TMEM272: variants seen among roughly 807,000 people sequenced by gnomAD.
TMEM272 encodes long intergenic non-protein coding RNA 282.
In TMEM272, 8 loss-of-function variants were observed where a neutral mutation model predicts 3.7. The observed-to-expected ratio is 2.17, with a 90% CI of 1.27 to 3.91. TMEM272 has a LOEUF of 3.91. TMEM272 is among the 30% of genes most tolerant of loss of function. The pLI, the probability that TMEM272 is intolerant of heterozygous loss-of-function variation, is 0.00. For missense variants in TMEM272, 166 were observed against 91.5 expected, an observed-to-expected ratio of 1.81 and a Z score of -3.32; for synonymous variants, 63 against 39.8, an observed-to-expected ratio of 1.58 and a Z score of -2.20.
the TMEM272 span, chr13:51,865,364 G>C: frequency 6.4e-7 from 1 of 1,567,050 alleles, no homozygotes; most frequent in Non-Finnish European, 8.6e-7. Context: ...CTGGCCAAGG[G>C]TCCTGTCATC....
At chr13:51,905,342 G>A in the TMEM272 span, among the ~76,000 whole-genome samples, 1 of 152,138 alleles carries the variant, frequency 6.6e-6, no homozygotes, top group Non-Finnish European at 1.5e-5. Flanking sequence ...TCACCACCTC[G>A]GACACGGCAG....
At chr13:51,901,631 C>T in the TMEM272 span, among the ~76,000 whole-genome samples, 1 of 152,142 alleles carries the variant, frequency 6.6e-6, no homozygotes, top group Non-Finnish European at 1.5e-5. Flanking sequence ...TCTCTATTTT[C>T]CTTTCTGCCC....
At chr13:51,904,373 C>T in the TMEM272 span, among the ~76,000 whole-genome samples, 1 of 152,044 alleles carries the variant, frequency 6.6e-6, no homozygotes, top group African/African-American at 2.4e-5. Context: ...ATATGCAATT[C>T]TTATGATGAC....
chr13:51,926,125 G>A, the TMEM272 span, among the ~76,000 whole-genome samples: 1 of 151,478 alleles, frequency 6.6e-6, no homozygotes, highest in Non-Finnish European at 1.5e-5. Context: ...TGTGGTGTAT[G>A]TGTCTATGTG....
At chr13:51,833,332 T>C (rs1224496699) in intron 2 of TMEM272, among the ~76,000 whole-genome samples, 1 of 152,138 alleles carries the variant, frequency 6.6e-6, no homozygotes, top group Non-Finnish European at 1.5e-5. Flanking sequence ...AAGAGAGTTG[T>C]AGGGTTTGCA....
At chr13:51,921,921 T>C in the TMEM272 span, among the ~76,000 whole-genome samples, 1 of 152,078 alleles carries the variant, frequency 6.6e-6, no homozygotes, top group African/African-American at 2.4e-5. Flanking sequence ...CGTGTGTGTG[T>C]GTATGTGTGT....
At chr13:51,916,058 G>C in the TMEM272 span, among the ~76,000 whole-genome samples, 1 of 152,124 alleles carries the variant, frequency 6.6e-6, no homozygotes, top group African/African-American at 2.4e-5. Context: ...GGGTGACAGA[G>C]GGAGACCTCT....
the TMEM272 span, chr13:51,909,393 T>C: frequency 2.3e-6 from 2 of 870,808 alleles, no homozygotes; most frequent in Admixed American, 1.8e-5. Flanking sequence ...TTTAGAAAGT[T>C]TCTCTTTCTC....
chr13:51,933,208 A>G, the TMEM272 span: 1 of 152,234 alleles, frequency 6.6e-6, no homozygotes. Flanking sequence ...ACTTCTATTC[A>G]AGGTAGAAGG....
chr13:51,925,019 C>T, the TMEM272 span, among the ~76,000 whole-genome samples: 11 of 152,178 alleles, frequency 7.2e-5, no homozygotes, highest in Non-Finnish European at 1.6e-4. Flanking sequence ...CGAGCCAGCA[C>T]ACGTAAGCAC....
intron 3 of TMEM272, among the ~76,000 whole-genome samples, chr13:51,825,524 G>A (rs80044028): frequency 3.2e-3 from 485 of 152,108 alleles, no homozygotes; most frequent in Non-Finnish European, 5.2e-3. Flanking sequence ...TGGGTGTTTC[G>A]TTGTTGCTGT....
chr13:51,870,395 G>A, the TMEM272 span, among the ~76,000 whole-genome samples: 1 of 151,772 alleles, frequency 6.6e-6, no homozygotes, highest in African/African-American at 2.4e-5. Flanking sequence ...TTTATGAGAG[G>A]AGGAAAAAAG....
chr13:51,838,114 G>A (rs969608454), intron 2 of TMEM272, among the ~76,000 whole-genome samples: 4 of 152,190 alleles, frequency 2.6e-5, no homozygotes, highest in African/African-American at 9.7e-5. Flanking sequence ...GGTTGAGGTA[G>A]GAGTAAGGGA....
chr13:51,860,145 TC>T, the TMEM272 span, among the ~76,000 whole-genome samples: 1 of 151,982 alleles, frequency 6.6e-6, no homozygotes, highest in East Asian at 1.9e-4. Flanking sequence ...CAAACCATCC[TC>T]CCTCCTCGGC....
At chr13:51,852,683 T>G in the TMEM272 span, among the ~76,000 whole-genome samples, 3 of 152,134 alleles carry the variant, frequency 2.0e-5, no homozygotes, top group Middle Eastern at 3.4e-3. Flanking sequence ...ATCGAGACCA[T>G]CCTGGCCAAC....
chr13:51,860,494 C>CTAGG, the TMEM272 span, among the ~76,000 whole-genome samples: 9 of 151,948 alleles, frequency 5.9e-5, no homozygotes, highest in African/African-American at 2.2e-4. Context: ...AAAAAATTAG[C>CTAGG]TAGGTCTGGT....
At chr13:51,870,661 A>G in the TMEM272 span, among the ~76,000 whole-genome samples, 2 of 152,254 alleles carry the variant, frequency 1.3e-5, no homozygotes, top group South Asian at 4.1e-4. Flanking sequence ...GTGGAAACGG[A>G]ATTAGCAAAA....
At chr13:51,891,014 C>T in the TMEM272 span, among the ~76,000 whole-genome samples, 3 of 152,252 alleles carry the variant, frequency 2.0e-5, no homozygotes, top group South Asian at 4.1e-4. Context: ...AGGGAAGGTG[C>T]TACTGTGGTA....
upstream of TMEM272, among the ~76,000 whole-genome samples, chr13:51,848,534 TG>T (rs1488598844): frequency 6.6e-6 from 1 of 152,218 alleles, no homozygotes; most frequent in African/African-American, 2.4e-5. Flanking sequence ...TGAATACTGC[TG>T]ACTCCAAGCC....
Sources: gnomAD v4.1 joint callset for allele counts (sites outside exome capture counted in the v4.1 genomes callset) on GRCh38, gnomAD v4.1.1 for gene constraint, MANE v1.5 for transcripts, NCBI Gene and HGNC (gene_info 2026-07-23, HGNC 2026-07-21) for gene names.